Variants in SCART1 observed in about 807,000 individuals in gnomAD.
The protein encoded by SCART1 is scavenger receptor family member expressed on T cells 1.
A neutral mutation model predicts 36.2 loss-of-function variants in SCART1; 62 were observed. The observed-to-expected ratio is 1.71, with a 90% CI of 1.40 to 2.12. The LOEUF is 2.12. SCART1 is among the 30% of genes most tolerant of loss of function. The probability of loss-of-function intolerance (pLI) is 0.00; values close to 1 mark genes in which losing one functional copy is unlikely to be tolerated. For missense variants in SCART1, 1,041 were observed against 540.5 expected (o/e 1.93, Z -9.18); for synonymous variants, 487 against 238.7 (o/e 2.04, Z -9.59).
intron 1 of SCART1, among the ~76,000 whole-genome samples, chr10:133,455,162 G>A (rs1850593429): frequency 6.6e-6 from 1 of 152,192 alleles, no homozygotes. Context: ...CGCTACATGG[G>A]AGGCTGAGGC....
At chr10:133,457,330 G>A in exon 3 of SCART1, 1 of 694,106 alleles carries the variant, frequency 1.4e-6, no homozygotes, top group East Asian at 2.7e-5. Flanking sequence ...CCCTGCGCGG[G>A]ACTCCCCGAG....
chr10:133,466,102 C>T (rs1850762118), intron 9 of SCART1, 133 bp from the exon 10 acceptor site: 1 of 628,028 alleles, frequency 1.6e-6, no homozygotes, highest in Non-Finnish European at 2.8e-6. Context: ...AGCAGATGCC[C>T]CCCCAGCACT....
At chr10:133,459,409 GAGGTAC>G in intron 5 of SCART1, 72 bp from the exon 6 acceptor site, 1 of 614,244 alleles carries the variant, frequency 1.6e-6, no homozygotes, top group Non-Finnish European at 2.9e-6. Flanking sequence ...AGGGGGCGGA[GAGGTAC>G]GGGCCCTGCT....
At chr10:133,458,162 T>C in intron 3 of SCART1, 198 bp from the exon 4 acceptor site, 1 of 697,884 alleles carries the variant, frequency 1.4e-6, no homozygotes, top group South Asian at 1.5e-5. Context: ...ACCTTGGTGA[T>C]GCGGCCAAGG....
At chr10:133,467,735 G>C in intron 11 of SCART1, 112 bp from the exon 12 acceptor site, 1 of 549,594 alleles carries the variant, frequency 1.8e-6, no homozygotes, top group South Asian at 2.5e-5. Flanking sequence ...ACATTGCCAG[G>C]TGCTTTCTGG....
At chr10:133,455,133 A>C (rs7906384) in intron 1 of SCART1, among the ~76,000 whole-genome samples, 8 of 151,880 alleles carry the variant, frequency 5.3e-5, no homozygotes, top group African/African-American at 1.9e-4. Flanking sequence ...CAGTCGTGGT[A>C]GTGGGCGCCT....
exon 6 of SCART1, chr10:133,459,729 C>T: frequency 1.4e-6 from 1 of 700,028 alleles, no homozygotes; most frequent in Non-Finnish European, 2.6e-6. Flanking sequence ...CGAAACCCGC[C>T]TGACTCAGTG....
intron 1 of SCART1, among the ~76,000 whole-genome samples, 191 bp downstream of exon 1, chr10:133,454,255 C>T (rs936263005): frequency 1.6e-4 from 25 of 152,126 alleles, no homozygotes; most frequent in Non-Finnish European, 2.6e-4. Context: ...GACCTCAGGG[C>T]CCCCAGACCC....
At chr10:133,460,697 G>C (rs992837266) in intron 6 of SCART1, among the ~76,000 whole-genome samples, 1 of 151,466 alleles carries the variant, frequency 6.6e-6, no homozygotes, top group Admixed American at 6.6e-5. Context: ...CACTGCCGCT[G>C]GCTTCAGATT....
At chr10:133,459,286 G>A (rs765844947) in exon 5 of SCART1, 5 of 651,520 alleles carry the variant, frequency 7.7e-6, no homozygotes, top group Non-Finnish European at 1.4e-5. Flanking sequence ...TGGGGGCCCC[G>A]GCCTGTGCCC....
chr10:133,454,724 G>A (rs1204321776), intron 1 of SCART1, among the ~76,000 whole-genome samples: 1 of 152,144 alleles, frequency 6.6e-6, no homozygotes, highest in African/African-American at 2.4e-5. Context: ...CACTGTCAAG[G>A]CTGGTCCAGG....
At chr10:133,462,915 G>A (rs1228450485) in intron 6 of SCART1, among the ~76,000 whole-genome samples, 2 of 152,074 alleles carry the variant, frequency 1.3e-5, no homozygotes, top group Non-Finnish European at 2.9e-5. Flanking sequence ...GGATACTTAT[G>A]GACACTTTTG....
chr10:133,457,669 G>C (rs929178566), intron 3 of SCART1, 94 bp downstream of exon 3: 4 of 593,322 alleles, frequency 6.7e-6, no homozygotes, highest in Non-Finnish European at 1.2e-5. Flanking sequence ...GCGTTCCCAC[G>C]GATGGGCCCC....
chr10:133,456,314 T>C lies in SCART1; in HGVS notation c.145T>C (p.Trp49Arg), dbSNP rs983003108. The change falls in exon 2 of 12, where the codon TGG becomes CGG. Residue 49 changes from tryptophan (W) to arginine (R), a missense_variant. Transcript: ENST00000640237. ...GGTGTTGGTCCGACACCACGGGGCATGGGGATACGTGTGCAACCAGGAGTG... is the reference window on the plus strand; with the variant it reads ...GGTGTTGGTCCGACACCACGGGGCACGGGGATACGTGTGCAACCAGGAGTG... 8.5e-6 allele frequency: 6 copies of C among 702,798 alleles called. No homozygotes were observed. The African/African-American group carries it at 1.0e-4, about 12-fold the overall frequency. The allele number at this position is 702,798 out of a possible 1,614,324, so 43.5% of individuals were successfully genotyped here.
At chr10:133,461,987 A>C (rs1256772431) in intron 6 of SCART1, among the ~76,000 whole-genome samples, 1 of 152,216 alleles carries the variant, frequency 6.6e-6, no homozygotes, top group African/African-American at 2.4e-5. Context: ...TGCTGGAGCC[A>C]GCATGTTGGG....
At chr10:133,467,147 G>A in intron 10 of SCART1, 51 bp from the exon 11 acceptor site, 1 of 616,096 alleles carries the variant, frequency 1.6e-6, no homozygotes, top group African/African-American at 1.8e-5. Context: ...CCTTGCCTGT[G>A]GCCACATCCA....
At chr10:133,454,155 A>G (rs1850580855) in intron 1 of SCART1, 91 bp downstream of exon 1, 2 of 696,686 alleles carry the variant, frequency 2.9e-6, no homozygotes, top group Non-Finnish European at 5.2e-6. Context: ...CCCTGCAGTG[A>G]CCTGCCGTCT....
intron 6 of SCART1, among the ~76,000 whole-genome samples, chr10:133,460,496 A>ATATATATATATATATATATATATTTTT: frequency 1.5e-5 from 2 of 136,002 alleles, no homozygotes; most frequent in African/African-American, 5.3e-5. Flanking sequence ...ATATTTATAT[A>ATATATATATATATATATATATATTTTT]TTTTAAAAAA....
exon 9 of SCART1, chr10:133,465,393 T>C (rs919929938): frequency 4.7e-5 from 30 of 633,096 alleles, no homozygotes; most frequent in Non-Finnish European, 8.2e-5. Context: ...AGCTGGGCTG[T>C]GGTCGGGCCG....
Sources: gnomAD v4.1 joint callset for allele counts (sites outside exome capture counted in the v4.1 genomes callset) on GRCh38, gnomAD v4.1.1 for gene constraint, MANE v1.5 for transcripts, NCBI Gene and HGNC (gene_info 2026-07-23, HGNC 2026-07-21) for gene names.